Variants in SEPTIN8 observed in about 807,000 individuals in gnomAD.
SEPTIN8 encodes septin-8.
In SEPTIN8, 22 loss-of-function variants were observed where a neutral mutation model predicts 53.1. The observed-to-expected ratio is 0.41, with a 90% CI of 0.30 to 0.59. SEPTIN8 has a LOEUF of 0.59. Among genes scored for constraint, SEPTIN8 ranks in the 20% least tolerant of loss-of-function variants. SEPTIN8 has a pLI of 0.24. For synonymous variants in SEPTIN8, 228 were observed against 248.4 expected, an observed-to-expected ratio of 0.92 and a Z score of 0.77; for missense variants, 536 against 638.7, an observed-to-expected ratio of 0.84 and a Z score of 1.73.
At chr5:132,777,444 CCG>C (rs1387999714), upstream of SEPTIN8, 7 of 992,494 alleles carry the variant, frequency 7.1e-6, no homozygotes, top group Middle Eastern at 5.1e-4. This position sits in a 1 kb window ranked among gnomAD's most constrained non-coding sequence, Gnocchi z 4.1. Context: ...GACTTGTAGT[CCG>C]CGCGTTGGGG....
At chr5:132,778,934 A>G (rs1321350866), upstream of SEPTIN8, among the ~76,000 whole-genome samples, 1 of 152,212 alleles carries the variant, frequency 6.6e-6, no homozygotes, top group Non-Finnish European at 1.5e-5. Flanking sequence ...TGCCATCCGT[A>G]TGGCAGTTCT....
rs778914260 is a variant in SEPTIN8, at chr5:132,761,106, C to G, written c.1095+27G>C. On this transcript the variant is annotated intron_variant, in intron 8 of 9. Transcript: ENST00000378719. The surrounding 1 kb of genome is among the most constrained non-coding windows in gnomAD (Gnocchi z 5.8). ...CAGGCCTTCCCTCCCTCAGCTTCCC[C>G]ATCCCAGCCCCCAGCCTGGCACATA... is the stretch of plus-strand genomic sequence containing the variant. 1 of 1,613,770 alleles carries G rather than the reference C, an allele frequency of 6.2e-7. No homozygotes were observed. Among genetic ancestry groups the G allele is most frequent in the South Asian group, 1.1e-5 (1 of 90,986 alleles).
rs768827093 is a variant in SEPTIN8 at position 132,773,733 on chromosome 5, C to T, written c.30+3375G>A. Among the ~76,000 whole-genome samples the T allele has an allele frequency of 6.6e-6, 1 of 152,234 alleles. No homozygotes were observed. Among genetic ancestry groups the T allele is most frequent in the African/African-American group, 2.4e-5 (1 of 41,458 alleles). ...CCTCCTCCTTGGCCCTGAGCTTGGT[C>T]TCCTCCTTGCCATCCTCTCTGTTCC... On this transcript the variant is annotated intron_variant, in intron 1 of 9. Transcript: ENST00000378719. This position sits in a 1 kb window ranked among gnomAD's most constrained non-coding sequence, Gnocchi z 4.2.
chr5:132,777,168 G>T lies in SEPTIN8; in HGVS notation c.-31C>A. 3 of 680,358 alleles carry T rather than the reference G, an allele frequency of 4.4e-6. No homozygotes were observed. The highest frequency in any genetic ancestry group is 5.8e-6 in the Non-Finnish European group (3 of 515,984). 42.1% of individuals were successfully genotyped at this position (680,358 alleles called of 1,614,324 possible). A position where few individuals can be genotyped will look rare whatever the true frequency, so the allele number is the denominator to read the frequency against. Reference sequence around the variant, plus strand: ...GCTCCGCACCGGGCGGGTGGGCTGGGACGAGCGCAGGGGCAGCGACAGGGA... The same window carrying T: ...GCTCCGCACCGGGCGGGTGGGCTGGTACGAGCGCAGGGGCAGCGACAGGGA... On this transcript the variant is annotated 5_prime_UTR_variant, in exon 1 of 10. Coordinates refer to ENST00000378719, the MANE Select transcript of SEPTIN8 (RefSeq NM_001098811.2). The surrounding 1 kb of genome is among the most constrained non-coding windows in gnomAD (Gnocchi z 4.1).
chr5:132,764,567 C>T (rs1756386353), intron 2 of SEPTIN8, 148 bp from the exon 3 acceptor site: 14 of 623,552 alleles, frequency 2.2e-5, no homozygotes, highest in South Asian at 2.2e-4. Context: ...TCCCTCATCA[C>T]CCCCATTCCC....
chr5:132,764,261 C>T lies in SEPTIN8; in HGVS notation c.310G>A (p.Ala104Thr), dbSNP rs761222074. 7 of 1,614,040 alleles carry T rather than the reference C, an allele frequency of 4.3e-6. No individual in the cohort carries two copies. The highest frequency in any genetic ancestry group is 5.9e-6 in the Non-Finnish European group (7 of 1,179,960). The change falls in exon 3 of 10, where the codon GCC becomes ACC. Residue 104 changes from alanine to threonine, a missense_variant. By Grantham distance (58) the Ala-to-Thr change is moderately conservative (BLOSUM62 0). Coordinates refer to ENST00000378719, the MANE Select transcript of SEPTIN8 (RefSeq NM_001098811.2). The part of the protein sequence containing the change: ...NVQLKLTIVD[A>T]VGFGDQINKD... ...TTGATCTGATCCCCAAAGCCCACGG[C>T]ATCCACAATGGTCAGCTTGAGCTGC...
At chr5:132,758,989 C>G in intron 9 of SEPTIN8, 1 of 765,978 alleles carries the variant, frequency 1.3e-6, no homozygotes, top group East Asian at 2.7e-5. Flanking sequence ...TTGTGGTGTC[C>G]CAGGCTAAGG....
chr5:132,759,535 A>G (rs1349776665), intron 9 of SEPTIN8, among the ~76,000 whole-genome samples: 2 of 152,164 alleles, frequency 1.3e-5, no homozygotes, highest in Non-Finnish European at 2.9e-5. Context: ...CCTTTTCTTT[A>G]ACAAGATGGC....
chr5:132,752,026 C>G lies in SEPTIN8; in HGVS notation c.1442G>C (p.Gly481Ala). ...CLVRDATWRE[G>A]FL is the part of the protein sequence containing the mutation. ...GTTGGAGCTGCTGCCTCAGAGGAAT[C>G]CTTCCCTCCACGTCGCATCCCTGAC... The change falls in exon 10 of 10, where the codon GGA becomes GCA. Residue 481 changes from glycine (G) to alanine (A), a missense_variant. Gly to Ala is a moderately conservative substitution (Grantham distance 60). This residue lies in a region of SEPTIN8 where 133 missense variants were observed against 157.4 expected (regional missense o/e 0.84). Transcript: ENST00000378719. The G allele has an allele frequency of 6.2e-7, 1 of 1,612,444 alleles. No individual in the cohort carries two copies. The highest frequency in any genetic ancestry group is 8.5e-7 in the Non-Finnish European group (1 of 1,179,458).
upstream of SEPTIN8, chr5:132,777,274 TGGC>T (rs934842247): frequency 2.6e-5 from 29 of 1,107,866 alleles, no homozygotes; most frequent in Admixed American, 1.0e-4. The surrounding 1 kb of genome is among the most constrained non-coding windows in gnomAD (Gnocchi z 4.1). Context: ...AAACTCCCCT[TGGC>T]GGCGGCGGCG....
chr5:132,752,893 A>T, intron 9 of SEPTIN8: 2 of 1,614,134 alleles, frequency 1.2e-6, no homozygotes, highest in South Asian at 2.2e-5. Flanking sequence ...CAGCTGCTGC[A>T]AGGAACTTGT....
In SEPTIN8 at chr5:132,751,061, A is replaced by G; in HGVS notation, c.*955T>C. ...GTTTGTGCCTTTGGAACAGCTGTTT[A>G]CAACATGGGATGGCAAAGCACAGGC... On this transcript the variant is annotated 3_prime_UTR_variant, in exon 10 of 10. Coordinates refer to ENST00000378719, the MANE Select transcript of SEPTIN8 (RefSeq NM_001098811.2). The G allele has an allele frequency of 1.3e-6, 2 of 1,581,952 alleles. No individual in the cohort carries two copies. The highest frequency in any genetic ancestry group is 2.3e-5 in the South Asian group (2 of 86,400).
At chr5:132,771,201 G>T (rs556965242) in intron 1 of SEPTIN8, among the ~76,000 whole-genome samples, 2 of 152,290 alleles carry the variant, frequency 1.3e-5, no homozygotes, top group East Asian at 3.9e-4. Context: ...GATCTGGGAA[G>T]AAACTGCATC....
chr5:132,770,127 A>G lies in SEPTIN8; in HGVS notation c.31-4598T>C, dbSNP rs184601463. ...TATATATGTATATATATATATATGT[A>G]TATATGTGTATGTGTGTGTATATAT... On this transcript the variant is annotated intron_variant, in intron 1 of 9. Coordinates refer to ENST00000378719, the MANE Select transcript of SEPTIN8 (RefSeq NM_001098811.2). Among the ~76,000 whole-genome samples the G allele has an allele frequency of 1.9e-3, 126 of 67,472 alleles. 2 individuals are homozygous for G. In the African/African-American group the frequency reaches 0.024, roughly 13 times the overall value. 44.3% of individuals were successfully genotyped at this position (67,472 alleles called of 152,430 possible). A position where few individuals can be genotyped will look rare whatever the true frequency, so the allele number is the denominator to read the frequency against.
chr5:132,764,164 A>G (rs1756319917), intron 3 of SEPTIN8, 60 bp downstream of exon 3: 3 of 1,502,082 alleles, frequency 2.0e-6, no homozygotes, highest in Non-Finnish European at 2.7e-6. Context: ...CTACTGTTAT[A>G]GGGGCCAATG....
At chr5:132,766,527 C>T (rs1438814640) in intron 1 of SEPTIN8, among the ~76,000 whole-genome samples, 1 of 152,216 alleles carries the variant, frequency 6.6e-6, no homozygotes, top group Non-Finnish European at 1.5e-5. Context: ...AGGGAAGGTT[C>T]CCAGGTTCAG....
intron 9 of SEPTIN8, chr5:132,756,112 T>C (rs1755313739): frequency 4.1e-6 from 4 of 985,312 alleles, no homozygotes. Context: ...GAAGCAATTT[T>C]AGAAAAGCAT....
rs191133240 is a variant in SEPTIN8 at position 132,752,593 on chromosome 5, T to C, written c.1287-412A>G. Among the ~76,000 whole-genome samples the C allele has an allele frequency of 4.6e-5, 7 of 152,138 alleles. No homozygotes were observed. The East Asian group carries it at 9.7e-4, about 21-fold the overall frequency. On this transcript the variant is annotated intron_variant, in intron 9 of 9. Transcript: ENST00000378719. Reference sequence around the variant, plus strand: ...GAGTGTGTGGTACCAGGTACAGGGGTACCATGAGGCAAGCATTGTGGGGGC... The same window carrying C: ...GAGTGTGTGGTACCAGGTACAGGGGCACCATGAGGCAAGCATTGTGGGGGC...
intron 9 of SEPTIN8, chr5:132,757,410 G>C (rs1755444103): frequency 4.1e-6 from 4 of 985,354 alleles, no homozygotes; most frequent in Non-Finnish European, 4.8e-6. Flanking sequence ...GAAGGCAGGA[G>C]GAAGCCAGGA....
Sources: gnomAD v4.1 joint callset for allele counts (sites outside exome capture counted in the v4.1 genomes callset) on GRCh38, gnomAD v4.1.1 for gene constraint, gnomAD v4.1.1 regional missense constraint, Gnocchi (gnomAD v3.1) non-coding constraint, MANE v1.5 for transcripts, NCBI Gene and HGNC (gene_info 2026-07-23, HGNC 2026-07-21) for gene names.